Variants in PDSS2 observed in about 807,000 individuals in gnomAD.
PDSS2 encodes all trans-polyprenyl-diphosphate synthase PDSS2.
In PDSS2, 31 loss-of-function variants were observed where a neutral mutation model predicts 44.5. The ratio of observed to expected loss-of-function variants is 0.70; its 90% CI spans 0.52 to 0.94. PDSS2 has a LOEUF of 0.94. Ranked by LOEUF, PDSS2 falls within the 40% of genes least tolerant of loss-of-function variation. The pLI is 0.00. For synonymous variants in PDSS2, 157 were observed against 180.3 expected (o/e 0.87, Z 1.03); for missense variants, 452 against 482.2 (o/e 0.94, Z 0.59).
At chr6:107,396,680 T>TTC (rs201290532) in intron 1 of PDSS2, among the ~76,000 whole-genome samples, 32,224 of 114,842 alleles carry the variant, frequency 0.28, 3,129 homozygotes, top group Middle Eastern at 0.47. Flanking sequence ...TCTTTTTTCT[T>TTC]TTTTTTTTTT....
At chr6:107,293,874 A>T (rs1469415029) in intron 2 of PDSS2, among the ~76,000 whole-genome samples, 2 of 152,182 alleles carry the variant, frequency 1.3e-5, no homozygotes, top group African/African-American at 4.8e-5. Context: ...TGAATACTGG[A>T]GACTGGATCA....
chr6:107,195,873 T>C (rs1772545644), intron 6 of PDSS2, among the ~76,000 whole-genome samples: 1 of 152,214 alleles, frequency 6.6e-6, no homozygotes, highest in Non-Finnish European at 1.5e-5. Flanking sequence ...GTTTTTCTTA[T>C]TTTCATAGTA....
intron 7 of PDSS2, among the ~76,000 whole-genome samples, chr6:107,185,951 C>T (rs889395255): frequency 1.3e-5 from 2 of 152,248 alleles, no homozygotes; most frequent in African/African-American, 4.8e-5. Flanking sequence ...CCTGGTCACA[C>T]TTCACTTCTG....
intron 1 of PDSS2, among the ~76,000 whole-genome samples, chr6:107,457,845 A>G (rs1782095050): frequency 6.6e-6 from 1 of 152,216 alleles, no homozygotes; most frequent in Non-Finnish European, 1.5e-5. Flanking sequence ...TTGTATCAAT[A>G]TTAAATATAC....
intron 7 of PDSS2, among the ~76,000 whole-genome samples, chr6:107,191,900 C>T (rs1338642086): frequency 6.6e-6 from 1 of 152,198 alleles, no homozygotes; most frequent in Non-Finnish European, 1.5e-5. Flanking sequence ...GTATGAGCCA[C>T]TGCACCTGGC....
At chr6:107,183,137 G>A (rs116741432) in intron 7 of PDSS2, among the ~76,000 whole-genome samples, 3,779 of 151,518 alleles carry the variant, frequency 0.025, 155 homozygotes, top group African/African-American at 0.087. Flanking sequence ...ACTTGAGCCC[G>A]GGAGGTCAAT....
chr6:107,234,623 G>C lies in PDSS2; in HGVS notation c.702+10925C>G, dbSNP rs746897485. On this transcript the variant is annotated intron_variant, in intron 4 of 7. Transcript: ENST00000369037. ...AGCTCTTTACTCTTTCATCTGGAGA[G>C]TCTGCCAGCACCTCAACATTAATTC... 2.0e-5 allele frequency among the ~76,000 whole-genome samples: 3 copies of C among 151,848 alleles called. No individual in the cohort carries two copies. The South Asian group carries it at 6.2e-4, about 32-fold the overall frequency.
chr6:107,239,762 C>A (rs577169620), intron 4 of PDSS2, among the ~76,000 whole-genome samples: 1 of 151,142 alleles, frequency 6.6e-6, no homozygotes, highest in Non-Finnish European at 1.5e-5. Flanking sequence ...CTGCCTCAGC[C>A]TCCCAAGTAG....
chr6:107,435,034 T>A (rs1781305774), intron 1 of PDSS2, among the ~76,000 whole-genome samples: 2 of 152,134 alleles, frequency 1.3e-5, no homozygotes, highest in East Asian at 1.9e-4. Context: ...CTCAGTACTA[T>A]GAGAGGCCAA....
chr6:107,317,066 G>T (rs1207962276), intron 2 of PDSS2, among the ~76,000 whole-genome samples: 1 of 152,172 alleles, frequency 6.6e-6, no homozygotes, highest in Non-Finnish European at 1.5e-5. Context: ...AATACTACAT[G>T]TAATTATGAA....
chr6:107,275,151 C>T (rs1282976755), intron 2 of PDSS2, among the ~76,000 whole-genome samples: 1 of 152,122 alleles, frequency 6.6e-6, no homozygotes, highest in Non-Finnish European at 1.5e-5. Context: ...ATATTTATTA[C>T]ACGGGAATTT....
intron 7 of PDSS2, among the ~76,000 whole-genome samples, chr6:107,159,069 T>G (rs1771019741): frequency 6.6e-6 from 1 of 152,088 alleles, no homozygotes; most frequent in Non-Finnish European, 1.5e-5. Context: ...TATAAGTCCC[T>G]TGTCGGACTG....
At chr6:107,213,919 T>C (rs1773318259) in intron 4 of PDSS2, among the ~76,000 whole-genome samples, 1 of 152,172 alleles carries the variant, frequency 6.6e-6, no homozygotes, top group Non-Finnish European at 1.5e-5. Flanking sequence ...CTACCACCTC[T>C]AGACCAATGC....
At chr6:107,425,675 G>A (rs1401359834) in intron 1 of PDSS2, among the ~76,000 whole-genome samples, 7 of 152,156 alleles carry the variant, frequency 4.6e-5, no homozygotes, top group Non-Finnish European at 1.0e-4. Context: ...CAATGCAATT[G>A]AAAAGAAAAT....
chr6:107,177,524 T>C (rs905137520), intron 7 of PDSS2, among the ~76,000 whole-genome samples: 6 of 152,246 alleles, frequency 3.9e-5, no homozygotes, highest in Non-Finnish European at 7.3e-5. Context: ...CATTTAGGAT[T>C]AATTTCACAG....
intron 1 of PDSS2, among the ~76,000 whole-genome samples, chr6:107,410,008 A>G (rs1228646579): frequency 6.6e-6 from 1 of 152,190 alleles, no homozygotes; most frequent in Non-Finnish European, 1.5e-5. Context: ...AGAGAAGAGT[A>G]TGAGAAAAGG....
chr6:107,266,789 C>T (rs1370515735), intron 3 of PDSS2, among the ~76,000 whole-genome samples: 18 of 152,086 alleles, frequency 1.2e-4, no homozygotes. Flanking sequence ...TGGTGGAGGT[C>T]TTAGACTCTG....
At chr6:107,347,676 T>C (rs1778297015) in intron 1 of PDSS2, among the ~76,000 whole-genome samples, 1 of 152,158 alleles carries the variant, frequency 6.6e-6, no homozygotes, top group Non-Finnish European at 1.5e-5. Context: ...TCATGAGAAA[T>C]AGCTGACTGA....
intron 1 of PDSS2, among the ~76,000 whole-genome samples, chr6:107,434,836 C>T (rs191093988): frequency 1.4e-3 from 213 of 151,916 alleles, no homozygotes; most frequent in African/African-American, 4.7e-3. Flanking sequence ...GCATTGTATG[C>T]GTGTATCAAA....
Sources: allele counts gnomAD v4.1 joint callset (sites outside exome capture counted in the v4.1 genomes callset), GRCh38; gene constraint gnomAD v4.1.1; transcripts MANE v1.5; gene names NCBI Gene and HGNC (gene_info 2026-07-23, HGNC 2026-07-21).